FSIP1: variants seen among roughly 807,000 people sequenced by gnomAD.
FSIP1 encodes the protein fibrous sheath-interacting protein 1.
FSIP1 carries 65 observed loss-of-function variants against 60.9 expected under a neutral mutation model. That is an observed-to-expected ratio of 1.07 (90% CI 0.87 to 1.31). FSIP1 has a LOEUF of 1.31. Among genes scored for constraint, FSIP1 ranks in the 40% most tolerant of loss-of-function variants. The pLI is 0.00. For synonymous variants in FSIP1, 209 were observed against 221.2 expected (o/e 0.94, Z 0.49); for missense variants, 675 against 665.5 (o/e 1.01, Z -0.16).
chr15:39,603,094 A>G (rs1890699369), intron 11 of FSIP1, among the ~76,000 whole-genome samples: 1 of 152,222 alleles, frequency 6.6e-6, no homozygotes, highest in East Asian at 1.9e-4. Context: ...AATGCACAAG[A>G]CAGCCCTTCA....
intron 8 of FSIP1, among the ~76,000 whole-genome samples, chr15:39,732,896 T>C (rs1896463927): frequency 6.6e-6 from 1 of 152,192 alleles, no homozygotes; most frequent in Admixed American, 6.5e-5. Flanking sequence ...TCTTCAAAGT[T>C]TTCCTAAACT....
chr15:39,716,032 T>C (rs1490348184), intron 9 of FSIP1, among the ~76,000 whole-genome samples: 1 of 152,104 alleles, frequency 6.6e-6, no homozygotes, highest in Non-Finnish European at 1.5e-5. Context: ...AAATTACCCA[T>C]TCTCAGGTAT....
At chr15:39,614,003 G>A (rs2140374141) in intron 11 of FSIP1, among the ~76,000 whole-genome samples, 1 of 152,234 alleles carries the variant, frequency 6.6e-6, no homozygotes, top group South Asian at 2.1e-4. Context: ...ACTCAACGGT[G>A]AAAAGTAGAA....
intron 5 of FSIP1, among the ~76,000 whole-genome samples, chr15:39,750,977 G>T (rs1422762292): frequency 1.3e-5 from 2 of 151,836 alleles, no homozygotes; most frequent in African/African-American, 4.8e-5. Flanking sequence ...AAAGTAAATA[G>T]ATATTTTTTC....
intron 10 of FSIP1, among the ~76,000 whole-genome samples, chr15:39,701,825 T>G (rs928122841): frequency 6.6e-5 from 10 of 152,212 alleles, no homozygotes; most frequent in Admixed American, 5.9e-4. Flanking sequence ...CTTTATGTGT[T>G]GGGGATGGGA....
chr15:39,706,024 A>G (rs1895254202), intron 10 of FSIP1, among the ~76,000 whole-genome samples: 1 of 152,016 alleles, frequency 6.6e-6, no homozygotes, highest in African/African-American at 2.4e-5. Context: ...AAAATCTTCT[A>G]AAAGTCTTCT....
At chr15:39,627,214 G>A (rs370645362) in intron 10 of FSIP1, among the ~76,000 whole-genome samples, 86 of 152,148 alleles carry the variant, frequency 5.7e-4, no homozygotes, top group South Asian at 4.8e-3. Flanking sequence ...GCCTGCTGCC[G>A]GGCTGAGCAC....
At chr15:39,598,555 T>C (rs1483363641), downstream of FSIP1, 1 of 152,176 alleles carries the variant, frequency 6.6e-6, no homozygotes, top group Non-Finnish European at 1.5e-5. Flanking sequence ...GCAAAACTGA[T>C]TGAAAATACC....
chr15:39,766,820 A>G (rs1897705566), intron 3 of FSIP1, among the ~76,000 whole-genome samples: 1 of 152,160 alleles, frequency 6.6e-6, no homozygotes, highest in Non-Finnish European at 1.5e-5. Context: ...ATGTTTCTCT[A>G]TAATGTGCAT....
chr15:39,652,756 G>A (rs1892924176), intron 10 of FSIP1, among the ~76,000 whole-genome samples: 1 of 152,082 alleles, frequency 6.6e-6, no homozygotes, highest in Non-Finnish European at 1.5e-5. Context: ...ATATGGTATG[G>A]CCTATTGCTC....
intron 10 of FSIP1, among the ~76,000 whole-genome samples, chr15:39,631,173 C>T (rs1891869187): frequency 6.6e-6 from 1 of 152,314 alleles, no homozygotes; most frequent in South Asian, 2.1e-4. Context: ...GGGTGCTCCT[C>T]CACCCTCTGC....
At chr15:39,620,702 G>A (rs897968500) in intron 10 of FSIP1, among the ~76,000 whole-genome samples, 11 of 150,378 alleles carry the variant, frequency 7.3e-5, no homozygotes, top group South Asian at 2.1e-4. Context: ...AGCGAGTCTC[G>A]TGTCTCAGCC....
intron 10 of FSIP1, among the ~76,000 whole-genome samples, chr15:39,635,883 G>A (rs1017387389): frequency 2.0e-5 from 3 of 151,998 alleles, no homozygotes; most frequent in Admixed American, 6.6e-5. Context: ...CCATTTCAAC[G>A]GTACCATACT....
At chr15:39,691,051 G>A (rs1178336429) in intron 10 of FSIP1, among the ~76,000 whole-genome samples, 3 of 152,202 alleles carry the variant, frequency 2.0e-5, no homozygotes. Context: ...CCTCCAGGAA[G>A]TTCCTTGGCC....
At chr15:39,678,977 C>G (rs1894054134) in intron 10 of FSIP1, among the ~76,000 whole-genome samples, 1 of 152,180 alleles carries the variant, frequency 6.6e-6, no homozygotes, top group African/African-American at 2.4e-5. Flanking sequence ...AAAGTCCCTA[C>G]TACAAAGGTC....
At chr15:39,769,307 T>C (rs1313419089) in intron 3 of FSIP1, among the ~76,000 whole-genome samples, 1 of 151,332 alleles carries the variant, frequency 6.6e-6, no homozygotes, top group African/African-American at 2.4e-5. Flanking sequence ...AAAGTCTAAG[T>C]ACTGGAAAGC....
chr15:39,697,346 T>C (rs997415921), intron 10 of FSIP1, among the ~76,000 whole-genome samples: 7 of 152,200 alleles, frequency 4.6e-5, no homozygotes, highest in African/African-American at 1.7e-4. Flanking sequence ...AGCGCCTCAG[T>C]GGAGGCAGGG....
At chr15:39,725,017 G>C (rs1031472010) in intron 9 of FSIP1, among the ~76,000 whole-genome samples, 1 of 152,194 alleles carries the variant, frequency 6.6e-6, no homozygotes, top group South Asian at 2.1e-4. Context: ...CGGATCACGA[G>C]GTCAGGAGAT....
chr15:39,685,800 G>A (rs1233188938), intron 10 of FSIP1, among the ~76,000 whole-genome samples: 2 of 152,072 alleles, frequency 1.3e-5, no homozygotes, highest in Admixed American at 1.3e-4. Flanking sequence ...CAACAAGAAA[G>A]GCCTTTAATG....
Sources: gnomAD v4.1 joint callset for allele counts (sites outside exome capture counted in the v4.1 genomes callset) on GRCh38, gnomAD v4.1.1 for gene constraint, MANE v1.5 for transcripts, NCBI Gene and HGNC (gene_info 2026-07-23, HGNC 2026-07-21) for gene names.